The following TCTN2 variants were observed in gnomAD, a reference collection of about 807,000 sequenced individuals.
TCTN2 encodes tectonic family member 2.
Under a neutral mutation model 83.4 loss-of-function variants are expected in TCTN2, and 66 were observed. That is an observed-to-expected ratio of 0.79 (90% CI 0.65 to 0.97). The LOEUF is 0.97. Ranked by LOEUF, TCTN2 falls within the 50% of genes least tolerant of loss-of-function variation. TCTN2 has a pLI of 0.00. For synonymous variants in TCTN2, 301 were observed against 326.7 expected, an observed-to-expected ratio of 0.92 and a Z score of 0.85; for missense variants, 794 against 858.1, an observed-to-expected ratio of 0.93 and a Z score of 0.93.
chr12:123,700,614 A>G (rs112522115), intron 14 of TCTN2, among the ~76,000 whole-genome samples: 6,069 of 152,016 alleles, frequency 0.04, 207 homozygotes, highest in African/African-American at 0.084. Context: ...TATTTTTTAA[A>G]TAGAGACGGG....
At chr12:123,676,277 T>C (rs1169289176) in intron 4 of TCTN2, among the ~76,000 whole-genome samples, 1 of 150,334 alleles carries the variant, frequency 6.7e-6, no homozygotes, top group Non-Finnish European at 1.5e-5. Flanking sequence ...AGACCTTGTC[T>C]CTAAAAAAAG....
chr12:123,699,092 C>A (rs566327434), intron 13 of TCTN2, among the ~76,000 whole-genome samples: 5 of 152,130 alleles, frequency 3.3e-5, no homozygotes, highest in Non-Finnish European at 7.3e-5. Flanking sequence ...CTAACTACCT[C>A]CTAAGTTTGG....
chr12:123,696,480 C>G lies in TCTN2; in HGVS notation c.1378C>G (p.His460Asp), dbSNP rs746648037. Reference protein sequence around the residue: ...INRMNNVTTLHLWQSAGRGLC... With the variant: ...INRMNNVTTLDLWQSAGRGLC... ...CAGGATGAATAATGTCACGACTTTACATCTTTGGCAATCGGGTAATCCGGT... is the reference window on the plus strand; with the variant it reads ...CAGGATGAATAATGTCACGACTTTAGATCTTTGGCAATCGGGTAATCCGGT... Residue 460 changes from histidine to aspartate, a missense_variant, in exon 12 of 18, where the codon CAT becomes GAT. His to Asp is a moderately conservative substitution (Grantham distance 81). Transcript: ENST00000303372. 6.4e-5 allele frequency: 103 copies of G among 1,613,980 alleles called. 1 individual carries two copies. The South Asian group carries it at 1.1e-3, about 17-fold the overall frequency.
intron 5 of TCTN2, among the ~76,000 whole-genome samples, chr12:123,685,247 A>T (rs533926098): frequency 6.6e-6 from 1 of 152,234 alleles, no homozygotes; most frequent in African/African-American, 2.4e-5. Context: ...ATCTTCAGAT[A>T]ACCACAATGC....
chr12:123,676,242 G>A (rs1006548678), intron 4 of TCTN2, among the ~76,000 whole-genome samples: 2 of 151,898 alleles, frequency 1.3e-5, no homozygotes, highest in Non-Finnish European at 2.9e-5. Context: ...ATTGCTCCAT[G>A]TACTCCAGCC....
intron 12 of TCTN2, 98 bp downstream of exon 12, chr12:123,696,593 C>T: frequency 8.5e-7 from 1 of 1,170,620 alleles, no homozygotes; most frequent in Non-Finnish European, 1.3e-6. Context: ...TATTTTAAAG[C>T]CTAGTTGGTT....
intron 13 of TCTN2, among the ~76,000 whole-genome samples, chr12:123,697,842 T>G (rs1956128217): frequency 1.3e-5 from 2 of 151,204 alleles, no homozygotes; most frequent in Non-Finnish European, 2.9e-5. Flanking sequence ...CAGAGCAAAG[T>G]GTAACTGGGG....
At chr12:123,684,399 C>CTTTTT (rs528065302) in intron 5 of TCTN2, among the ~76,000 whole-genome samples, 2 of 127,806 alleles carry the variant, frequency 1.6e-5, no homozygotes, top group Non-Finnish European at 1.7e-5. Context: ...TATTGTCATT[C>CTTTTT]TTTTTTTTTT....
chr12:123,671,719 T>A, intron 2 of TCTN2, 105 bp downstream of exon 2: 1 of 958,100 alleles, frequency 1.0e-6, no homozygotes, highest in Non-Finnish European at 1.6e-6. Context: ...CTCTGTTCTC[T>A]GCAAAGTCGC....
chr12:123,693,793 A>G (rs1293979116), intron 9 of TCTN2, among the ~76,000 whole-genome samples: 1 of 150,170 alleles, frequency 6.7e-6, no homozygotes, highest in African/African-American at 2.4e-5. Flanking sequence ...TTTTTAATGA[A>G]GGATACTGTT....
chr12:123,701,595 TA>T (rs950364980), intron 14 of TCTN2, among the ~76,000 whole-genome samples: 4 of 150,366 alleles, frequency 2.7e-5, no homozygotes, highest in African/African-American at 9.8e-5. Context: ...AAAAAAAAAT[TA>T]GCCGGGCGTG....
chr12:123,675,704 A>G (rs1199137036), intron 4 of TCTN2, among the ~76,000 whole-genome samples: 1 of 152,194 alleles, frequency 6.6e-6, no homozygotes, highest in Non-Finnish European at 1.5e-5. Flanking sequence ...TGCATAAAGA[A>G]ATTCTGGAAG....
At position 123,697,188 on chromosome 12, in the gene TCTN2, A is replaced by T. The variant is rs755730750; in HGVS notation, c.1495A>T (p.Thr499Ser). Residue 499 changes from threonine to serine, a missense_variant, in exon 13 of 18, where the codon ACT becomes TCT. By Grantham distance (58) the Thr-to-Ser change is moderately conservative. Coordinates refer to ENST00000303372, the MANE Select transcript of TCTN2 (RefSeq NM_024809.5). ...AGAAGTCGGGATTAATGAAAATTGT[A>T]CTCAGCTCAGGTGAGTGTTTCATTG... ...LLEVGINENC[T>S]QLRENAVERL... 6.2e-7 allele frequency: 1 copy of T among 1,612,322 alleles called. No individual in the cohort carries two copies. Among genetic ancestry groups the T allele is most frequent in the Admixed American group, 1.7e-5 (1 of 59,996 alleles).
At chr12:123,673,905 C>T in intron 4 of TCTN2, 95 bp downstream of exon 4, 3 of 1,209,088 alleles carry the variant, frequency 2.5e-6, no homozygotes, top group Non-Finnish European at 3.6e-6. Flanking sequence ...GAGGTTGATG[C>T]TATAAATGAG....
intron 13 of TCTN2, among the ~76,000 whole-genome samples, chr12:123,698,578 C>T (rs1406059338): frequency 1.3e-5 from 2 of 151,836 alleles, no homozygotes; most frequent in Admixed American, 1.3e-4. Flanking sequence ...TCTTGGAGTA[C>T]AGGTGTGTGC....
chr12:123,688,203 A>T, intron 7 of TCTN2, 26 bp downstream of exon 7: 2 of 1,588,856 alleles, frequency 1.3e-6, no homozygotes, highest in Non-Finnish European at 1.7e-6. Context: ...TTAGTATGCT[A>T]GACCGTTCTC....
chr12:123,671,211 C>T lies in TCTN2; in HGVS notation c.-30C>T. 4 of 1,602,342 alleles carry T rather than the reference C, an allele frequency of 2.5e-6. No homozygotes were observed. The highest frequency in any genetic ancestry group is 3.4e-6 in the Non-Finnish European group (4 of 1,174,898). On this transcript the variant is annotated 5_prime_UTR_variant, in exon 1 of 18. Transcript: ENST00000303372. The stretch of plus-strand genomic sequence containing the variant: ...CCTGGGTTCTAATGAGGGCGCGGTT[C>T]TGCTGTGCCCGGCCCGCGAGGTCTA...
intron 14 of TCTN2, among the ~76,000 whole-genome samples, chr12:123,704,004 C>CTTTTT (rs11348520): frequency 1.8e-5 from 2 of 110,194 alleles, no homozygotes; most frequent in Admixed American, 9.2e-5. Context: ...TACAAGGAAA[C>CTTTTT]TTTTTTTTTT....
chr12:123,673,798 CAT>C lies in TCTN2; in HGVS notation c.453_454del (p.His151GlnfsTer11). 3 of 1,614,104 alleles carry C rather than the reference CAT, an allele frequency of 1.9e-6. No homozygotes were observed. Among genetic ancestry groups the C allele is most frequent in the Non-Finnish European group, 2.5e-6 (3 of 1,179,986 alleles). On this transcript the variant is annotated frameshift_variant, in exon 4 of 18. Transcript: ENST00000303372. LOFTEE classifies it high-confidence loss of function. ...AATTTATGCCAACTCTTCTCTGACC[CAT>C]AATGCCTCAGGCAAGTGAAGTCTTT... is the stretch of plus-strand genomic sequence containing the variant. ...VEIYANSSLTHNASENVTVIP... is the reference protein window; with the variant it reads ...VEIYANSSLTXNASENVTVIP...
Sources: gnomAD v4.1 joint callset for allele counts (sites outside exome capture counted in the v4.1 genomes callset) on GRCh38, gnomAD v4.1.1 for gene constraint, MANE v1.5 for transcripts, NCBI Gene and HGNC (gene_info 2026-07-23, HGNC 2026-07-21) for gene names.